The following CFAP54 variants were observed in gnomAD, a reference collection of about 807,000 sequenced individuals.
The protein encoded by CFAP54 is cilia and flagella associated protein 54, also known as cilia- and flagella-associated protein 54.
Under a neutral mutation model 370.4 loss-of-function variants are expected in CFAP54, and 290 were observed. That is an observed-to-expected ratio of 0.78 (90% confidence interval 0.71 to 0.86). The LOEUF (loss-of-function observed/expected upper bound fraction) is 0.86. CFAP54 is among the 40% of genes least tolerant of loss of function. The pLI, the probability that CFAP54 is intolerant of heterozygous loss-of-function variation, is 0.00. For missense variants in CFAP54, 3,399 were observed against 3,528.7 expected (o/e 0.96, Z 0.93); for synonymous variants, 1,206 against 1,236.5 (o/e 0.98, Z 0.52).
intron 26 of CFAP54, among the ~76,000 whole-genome samples, chr12:96,613,436 AC>A (rs770205616): frequency 3.3e-5 from 5 of 152,218 alleles, no homozygotes; most frequent in Non-Finnish European, 7.3e-5. Context: ...TAAAATTGAC[AC>A]CCTAGCATCA....
intron 11 of CFAP54, among the ~76,000 whole-genome samples, chr12:96,534,876 A>C (rs577732127): frequency 7.9e-5 from 12 of 151,954 alleles, no homozygotes; most frequent in Non-Finnish European, 1.8e-4. Context: ...CAACTACCAT[A>C]TTTTATGTGC....
At chr12:96,767,424 C>A (rs971409270) in intron 60 of CFAP54, among the ~76,000 whole-genome samples, 1 of 152,182 alleles carries the variant, frequency 6.6e-6, no homozygotes, top group Non-Finnish European at 1.5e-5. Context: ...AGAACCTAAG[C>A]TTTCTTGTTC....
chr12:96,826,922 TTATA>T (rs1217759003), intron 65 of CFAP54, among the ~76,000 whole-genome samples: 1 of 130,406 alleles, frequency 7.7e-6, no homozygotes, highest in Non-Finnish European at 1.5e-5. Context: ...TTATATATGA[TTATA>T]TATAATATGC....
At chr12:96,692,612 T>C (rs1678146854) in intron 44 of CFAP54, among the ~76,000 whole-genome samples, 1 of 152,208 alleles carries the variant, frequency 6.6e-6, no homozygotes, top group Non-Finnish European at 1.5e-5. Context: ...AAAAATGTAT[T>C]GTATTATGTT....
chr12:96,493,940 T>C lies in CFAP54; in HGVS notation c.317+4014T>C, dbSNP rs115333456. ...GAAGATAGGAAGTTGCAATTTTCAA[T>C]AAGGTGGTCAGAAGTAGATGACACT... On this transcript the variant is annotated intron_variant, in intron 1 of 67. Transcript: ENST00000524981. 4.6e-3 allele frequency among the ~76,000 whole-genome samples: 707 copies of C among 152,292 alleles called. 3 individuals carry two copies. Among genetic ancestry groups the C allele is most frequent in the African/African-American group, 0.016 (672 of 41,564 alleles).
chr12:96,522,990 C>T (rs1955337458), intron 8 of CFAP54, among the ~76,000 whole-genome samples: 1 of 152,204 alleles, frequency 6.6e-6, no homozygotes, highest in Admixed American at 6.5e-5. Context: ...GCCCTCGGCC[C>T]TTTTTCTTCC....
Position 96,679,716 on chromosome 12 carries a change from A to G in CFAP54, c.5680A>G (p.Arg1894Gly). ...CCATAACAGATCAATCCGACACAGC[A>G]GAAAGTTGCTTTCATTATTTCTTGC... ...KYHNRSIRHSRKLLSLFLAQT... is the reference protein window; with the variant it reads ...KYHNRSIRHSGKLLSLFLAQT... The change falls in exon 40 of 68, where the codon AGA becomes GGA. Residue 1894 changes from arginine (R) to glycine (G), a missense_variant. By Grantham distance (125) the Arg-to-Gly change is moderately radical. Around this residue, in one of 3 missense-constraint regions of CFAP54, gnomAD observed 2,796 missense variants for 2,869.7 expected, o/e 0.97. Transcript: ENST00000524981. The G allele has an allele frequency of 2.5e-6, 4 of 1,613,394 alleles. No homozygotes were observed. The highest frequency in any genetic ancestry group is 3.4e-6 in the Non-Finnish European group (4 of 1,179,654).
intron 40 of CFAP54, among the ~76,000 whole-genome samples, chr12:96,680,896 C>T (rs888563547): frequency 3.3e-5 from 5 of 152,114 alleles, no homozygotes; most frequent in African/African-American, 4.8e-5. Context: ...CCAGCCTGGC[C>T]AACATAGTGA....
intron 25 of CFAP54, among the ~76,000 whole-genome samples, chr12:96,596,516 A>G (rs1956180509): frequency 6.6e-6 from 1 of 152,164 alleles, no homozygotes; most frequent in African/African-American, 2.4e-5. Context: ...ATGTCTAGAT[A>G]TTCATCTGAG....
At chr12:96,511,699 G>T (rs1266264884) in intron 4 of CFAP54, among the ~76,000 whole-genome samples, 1 of 149,720 alleles carries the variant, frequency 6.7e-6, no homozygotes, top group Non-Finnish European at 1.5e-5. Flanking sequence ...GGCCAGGCTG[G>T]TCTCGAATTC....
chr12:96,762,182 ATTT>A, intron 58 of CFAP54, among the ~76,000 whole-genome samples: 1 of 152,074 alleles, frequency 6.6e-6, no homozygotes, highest in South Asian at 2.1e-4. Context: ...TGTCAAAGGG[ATTT>A]TTGTTTTAAT....
chr12:96,824,922 G>A (rs542953292), intron 65 of CFAP54, among the ~76,000 whole-genome samples: 2 of 151,938 alleles, frequency 1.3e-5, no homozygotes, highest in African/African-American at 4.8e-5. Context: ...CCTCTCTGGT[G>A]AGAACTCTCA....
chr12:96,554,451 A>G lies in CFAP54; in HGVS notation c.2283+141A>G, dbSNP rs918319675. On this transcript the variant is annotated intron_variant, in intron 16 of 67. Coordinates refer to ENST00000524981, the MANE Select transcript of CFAP54 (RefSeq NM_001306084.2). The stretch of plus-strand genomic sequence containing the variant: ...AAATATATTTCCCTCTTCCCAGAAG[A>G]GAGCTAGGAGAATGAGGAGTCTTTG... 1.2e-5 allele frequency: 14 copies of G among 1,173,504 alleles called. No homozygotes were observed. In the Admixed American group the frequency reaches 1.3e-4, roughly 11 times the overall value. 72.7% of individuals were successfully genotyped at this position (1,173,504 alleles called of 1,614,324 possible).
chr12:96,780,933 G>A (rs1246038820), intron 60 of CFAP54, among the ~76,000 whole-genome samples: 2 of 152,086 alleles, frequency 1.3e-5, no homozygotes, highest in African/African-American at 4.8e-5. Flanking sequence ...AAGTACAAGG[G>A]GCTTGTAAAG....
intron 50 of CFAP54, among the ~76,000 whole-genome samples, chr12:96,721,754 C>G (rs1311517594): frequency 6.6e-6 from 1 of 152,160 alleles, no homozygotes; most frequent in Non-Finnish European, 1.5e-5. Context: ...CTCATATATA[C>G]AGTCTAAACA....
At chr12:96,491,026 A>G (rs1303254608) in intron 1 of CFAP54, among the ~76,000 whole-genome samples, 8 of 151,778 alleles carry the variant, frequency 5.3e-5, no homozygotes, top group African/African-American at 1.9e-4. Flanking sequence ...GCTGTTGTGC[A>G]GTGGCTCAAT....
chr12:96,641,936 T>TGGGGG (rs758561828), intron 32 of CFAP54, among the ~76,000 whole-genome samples: 17 of 85,874 alleles, frequency 2.0e-4, no homozygotes, highest in Non-Finnish European at 3.6e-4. Context: ...TGTGGGGTGG[T>TGGGGG]GCGGGGGGGG....
At chr12:96,690,031 G>A (rs543463032) in intron 43 of CFAP54, among the ~76,000 whole-genome samples, 1 of 152,276 alleles carries the variant, frequency 6.6e-6, no homozygotes, top group South Asian at 2.1e-4. Context: ...GAAATGACCC[G>A]ACTCTGACTT....
At chr12:96,683,295 T>C (rs1245446683) in intron 40 of CFAP54, among the ~76,000 whole-genome samples, 1 of 152,182 alleles carries the variant, frequency 6.6e-6, no homozygotes, top group African/African-American at 2.4e-5. Flanking sequence ...AATGTGACAG[T>C]TACACATGCA....
Sources: gnomAD v4.1 joint callset for allele counts (sites outside exome capture counted in the v4.1 genomes callset) on GRCh38, gnomAD v4.1.1 for gene constraint, gnomAD v4.1.1 regional missense constraint, MANE v1.5 for transcripts, NCBI Gene and HGNC (gene_info 2026-07-23, HGNC 2026-07-21) for gene names.